Variants in KAT6B observed in about 807,000 individuals in gnomAD.
The protein encoded by KAT6B is lysine acetyltransferase 6B.
In KAT6B, 10 loss-of-function variants were observed where a neutral mutation model predicts 187.5. That is an observed-to-expected ratio of 0.05 (90% CI 0.03 to 0.09). KAT6B has a LOEUF of 0.09. Ranked by LOEUF, KAT6B falls within the 10% of genes least tolerant of loss-of-function variation. KAT6B has a pLI of 1.00. For missense variants in KAT6B, 1,952 were observed against 2,558.9 expected, an observed-to-expected ratio of 0.76 and a Z score of 5.12; for synonymous variants, 861 against 926.8, an observed-to-expected ratio of 0.93 and a Z score of 1.29.
chr10:75,022,191 C>T lies in KAT6B; in HGVS notation c.3332C>T (p.Pro1111Leu). Residue 1111 changes from proline to leucine, a missense_variant, in exon 16 of 18, where the codon CCA becomes CTA. Pro to Leu is a moderately conservative substitution (Grantham distance 98, BLOSUM62 -3). Transcript: ENST00000287239. The stretch of plus-strand genomic sequence containing the variant: ...GAAGAAAATATTCAAAGCTCTCCCC[C>T]AAGATTGACGAAACCACAGTCAGTT... ...EEEENIQSSP[P>L]RLTKPQSVAI... The T allele has an allele frequency of 6.2e-7, 1 of 1,613,266 alleles. No individual in the cohort carries two copies. Among genetic ancestry groups the T allele is most frequent in the Non-Finnish European group, 8.5e-7 (1 of 1,180,010 alleles).
chr10:74,926,458 A>C (rs1488906062), intron 3 of KAT6B, among the ~76,000 whole-genome samples: 1 of 152,240 alleles, frequency 6.6e-6, no homozygotes, highest in African/African-American at 2.4e-5. Context: ...TGTCTCAAAA[A>C]ACAACAACGA....
chr10:74,990,862 AC>A (rs1475641299), intron 13 of KAT6B, among the ~76,000 whole-genome samples: 2 of 152,360 alleles, frequency 1.3e-5, no homozygotes, highest in East Asian at 3.9e-4. Context: ...TCAATATTTA[AC>A]GTCTTCCAAC....
At chr10:74,835,093 A>G (rs963269810) in intron 1 of KAT6B, among the ~76,000 whole-genome samples, 2 of 152,242 alleles carry the variant, frequency 1.3e-5, no homozygotes, top group African/African-American at 4.8e-5. Flanking sequence ...CAAGGTTAAT[A>G]CACAAGTAAG....
intron 6 of KAT6B, 45 bp downstream of exon 6, chr10:74,970,146 G>T: frequency 6.9e-7 from 1 of 1,456,438 alleles, no homozygotes; most frequent in African/African-American, 1.4e-5. Flanking sequence ...TTACATATTG[G>T]TTAGCTTTGT....
In KAT6B at chr10:75,030,407, T is replaced by A. The variant is rs1348250469; in HGVS notation, c.5583T>A (p.Leu1861=). The part of the protein sequence containing the change: ...TPLSNTGLVQ[L]SQSPHSVPGG... ...TAAGTAACACAGGGCTTGTTCAACT[T>A]TCTCAGTCTCCACACTCCGTCCCTG... is the stretch of plus-strand genomic sequence containing the variant. The change falls in exon 18 of 18, where the codon CTT becomes CTA. Residue 1861 remains leucine, a synonymous_variant. Transcript: ENST00000287239. This position sits in a 1 kb window ranked among gnomAD's most constrained non-coding sequence, Gnocchi z 4.8. 1 of 1,614,186 alleles carries A rather than the reference T, an allele frequency of 6.2e-7. No homozygotes were observed. Among genetic ancestry groups the A allele is most frequent in the Non-Finnish European group, 8.5e-7 (1 of 1,180,030 alleles).
intron 13 of KAT6B, among the ~76,000 whole-genome samples, chr10:75,008,038 A>G (rs1844341439): frequency 6.6e-6 from 1 of 152,242 alleles, no homozygotes; most frequent in African/African-American, 2.4e-5. Flanking sequence ...CTAGTTCATT[A>G]GAGAACAGCA....
In KAT6B at chr10:74,842,745, G is replaced by A; in HGVS notation, c.-113G>A. 2 of 1,177,634 alleles carry A rather than the reference G, an allele frequency of 1.7e-6. No individual in the cohort carries two copies. Among genetic ancestry groups the A allele is most frequent in the Admixed American group, 1.7e-5 (1 of 59,138 alleles). 72.9% of individuals were successfully genotyped at this position (1,177,634 alleles called of 1,614,324 possible). On this transcript the variant is annotated 5_prime_UTR_variant, in exon 3 of 18. An upstream open reading frame in the 5' UTR gains an earlier in-frame stop. Transcript: ENST00000287239. Reference sequence around the variant, plus strand: ...GTAAGATGTTGCTTAATACAGTCTGGAATACTCTGTCCATTTGTTGAATTG... The same window carrying A: ...GTAAGATGTTGCTTAATACAGTCTGAAATACTCTGTCCATTTGTTGAATTG...
chr10:74,883,277 T>C (rs1844995354), intron 3 of KAT6B, among the ~76,000 whole-genome samples: 1 of 152,164 alleles, frequency 6.6e-6, no homozygotes. Context: ...ACCTGTCTTA[T>C]TACAGAATGT....
rs11001180 is a variant in KAT6B, at chr10:74,843,777, G to A, written c.621+299G>A. Among the ~76,000 whole-genome samples, 15,915 of 151,562 alleles carry A rather than the reference G, an allele frequency of 0.11. 1,174 individuals are homozygous for A. The highest frequency in any genetic ancestry group is 0.28 in the South Asian group (1,350 of 4,822). ...GATAATATTGATCTTTCTTCATCCA[G>A]GCAGGGTCATATATATTTCAGAAAT... On this transcript the variant is annotated intron_variant, in intron 3 of 17. Transcript: ENST00000287239.
chr10:74,851,249 C>T (rs911732456), intron 3 of KAT6B, among the ~76,000 whole-genome samples: 12 of 149,328 alleles, frequency 8.0e-5, no homozygotes, highest in African/African-American at 2.7e-4. Flanking sequence ...TTGGGGATTA[C>T]AGGCATGTGC....
At chr10:74,962,038 A>G (rs1188221431) in intron 4 of KAT6B, among the ~76,000 whole-genome samples, 1 of 152,136 alleles carries the variant, frequency 6.6e-6, no homozygotes, top group South Asian at 2.1e-4. Flanking sequence ...GATGCCTCAG[A>G]GTGCTTCTCT....
At chr10:74,831,412 T>C (rs1840847415) in intron 1 of KAT6B, among the ~76,000 whole-genome samples, 1 of 152,246 alleles carries the variant, frequency 6.6e-6, no homozygotes, top group Admixed American at 6.5e-5. Flanking sequence ...TAAGATATTC[T>C]CCTATGCAGT....
chr10:74,947,010 G>GT (rs893019252), intron 3 of KAT6B, among the ~76,000 whole-genome samples: 13 of 151,628 alleles, frequency 8.6e-5, no homozygotes, highest in African/African-American at 2.9e-4. Context: ...GTTATATTTG[G>GT]TTTTTTTTGA....
intron 3 of KAT6B, among the ~76,000 whole-genome samples, chr10:74,874,448 C>A (rs1347897575): frequency 6.6e-6 from 1 of 152,058 alleles, no homozygotes; most frequent in East Asian, 1.9e-4. Flanking sequence ...GGCGCAATCT[C>A]GGCACACTGC....
At chr10:74,848,853 A>G (rs1170932894) in intron 3 of KAT6B, among the ~76,000 whole-genome samples, 4 of 152,208 alleles carry the variant, frequency 2.6e-5, no homozygotes, top group East Asian at 1.9e-4. Context: ...TTTTTCTAAT[A>G]TATTTGAAAA....
intron 3 of KAT6B, among the ~76,000 whole-genome samples, chr10:74,912,466 G>T (rs562708500): frequency 1.1e-4 from 17 of 152,102 alleles, no homozygotes; most frequent in Non-Finnish European, 2.4e-4. Flanking sequence ...CAGCTTTCCA[G>T]TAGATTTTCT....
intron 3 of KAT6B, among the ~76,000 whole-genome samples, chr10:74,913,760 AG>A (rs1564560180): frequency 6.6e-6 from 1 of 152,256 alleles, no homozygotes; most frequent in Non-Finnish European, 1.5e-5. Context: ...GGAGGCCAGG[AG>A]TAAACCGCCC....
intron 3 of KAT6B, among the ~76,000 whole-genome samples, chr10:74,917,723 T>G (rs1030777222): frequency 1.3e-5 from 2 of 152,234 alleles, no homozygotes; most frequent in Non-Finnish European, 2.9e-5. Flanking sequence ...GAGGCAGCAT[T>G]TTCAGAAGAA....
intron 3 of KAT6B, among the ~76,000 whole-genome samples, chr10:74,910,648 T>C (rs1176341134): frequency 1.3e-5 from 2 of 152,112 alleles, no homozygotes; most frequent in Non-Finnish European, 2.9e-5. Flanking sequence ...CATATTCCAT[T>C]ATCTGCATCC....
Sources: allele counts gnomAD v4.1 joint callset (sites outside exome capture counted in the v4.1 genomes callset), GRCh38; gene constraint gnomAD v4.1.1; non-coding constraint Gnocchi (gnomAD v3.1); transcripts MANE v1.5; gene names NCBI Gene and HGNC (gene_info 2026-07-23, HGNC 2026-07-21).